Variants in TEKTL1 observed in about 807,000 individuals in gnomAD.
The protein encoded by TEKTL1 is tektin like 1.
chr19:15,014,742 G>A, the TEKTL1 span, among the ~76,000 whole-genome samples: 32 of 125,666 alleles, frequency 2.5e-4, no homozygotes, highest in African/African-American at 1.0e-3. Context: ...GGGGGGCGGG[G>A]GCTGCTGAAA....
chr19:15,013,851 C>T, the TEKTL1 span: 1 of 841,500 alleles, frequency 1.2e-6, no homozygotes, highest in South Asian at 1.5e-5. Context: ...ACCACTCTGA[C>T]CTGGGGACTG....
chr19:15,021,769 C>G, the TEKTL1 span: 1 of 1,611,700 alleles, frequency 6.2e-7, no homozygotes, highest in South Asian at 1.1e-5. Context: ...TGGCTGGAGG[C>G]TGGGTTTCAA....
chr19:15,020,444 C>T, the TEKTL1 span: 1 of 1,609,414 alleles, frequency 6.2e-7, no homozygotes, highest in Non-Finnish European at 8.5e-7. Context: ...CTGTCTTCTC[C>T]TCCCCTCCCC....
At chr19:15,021,866 A>G in the TEKTL1 span, 1 of 1,614,034 alleles carries the variant, frequency 6.2e-7, no homozygotes, top group African/African-American at 1.3e-5. Flanking sequence ...CCTGGTTCGC[A>G]TGTACCAGAG....
the TEKTL1 span, chr19:15,023,135 C>T: frequency 6.4e-7 from 1 of 1,561,840 alleles, no homozygotes; most frequent in Non-Finnish European, 8.6e-7. Flanking sequence ...CCAGCGTCCC[C>T]CGCCCCAGCC....
At chr19:15,011,821 G>A in the TEKTL1 span, among the ~76,000 whole-genome samples, 3 of 151,992 alleles carry the variant, frequency 2.0e-5, no homozygotes. Context: ...AGATGCAGTA[G>A]CTCACGCCTG....
the TEKTL1 span, among the ~76,000 whole-genome samples, chr19:15,018,699 TGAGACCCTATCTCAA>T: frequency 7.3e-6 from 1 of 136,432 alleles, no homozygotes; most frequent in South Asian, 2.3e-4. Flanking sequence ...GGAGACTGAG[TGAGACCCTATCTCAA>T]AATATGTATA....
chr19:15,011,234 G>A, the TEKTL1 span: 3 of 1,484,628 alleles, frequency 2.0e-6, no homozygotes, highest in South Asian at 2.7e-5. Context: ...GCGCCTCACC[G>A]CCGCCCGCCT....
At chr19:15,013,642 G>A in the TEKTL1 span, 154 of 1,525,382 alleles carry the variant, frequency 1.0e-4, no homozygotes, top group Non-Finnish European at 1.3e-4. Flanking sequence ...CTTTCTTAAC[G>A]ATGTGAGGGA....
chr19:15,023,250 AT>A, the TEKTL1 span: 2 of 788,132 alleles, frequency 2.5e-6, no homozygotes, highest in Non-Finnish European at 3.9e-6. Flanking sequence ...GAGAATTATA[AT>A]TAAAAATAAC....
chr19:15,021,758 G>A, the TEKTL1 span: 3 of 1,612,054 alleles, frequency 1.9e-6, no homozygotes, highest in East Asian at 4.5e-5. Context: ...AGGGGTGCCG[G>A]TGGCTGGAGG....
chr19:15,011,216 C>G, the TEKTL1 span: 3 of 1,477,660 alleles, frequency 2.0e-6, no homozygotes, highest in Non-Finnish European at 2.7e-6. Context: ...CGCGCACGCG[C>G]GTGGAGCGCG....
the TEKTL1 span, chr19:15,010,812 A>T: frequency 1.3e-6 from 2 of 1,517,820 alleles, no homozygotes; most frequent in Non-Finnish European, 8.8e-7. Context: ...AGGCCGAGAG[A>T]CCAAGCAGGG....
the TEKTL1 span, among the ~76,000 whole-genome samples, chr19:15,016,871 G>T: frequency 6.6e-6 from 1 of 152,128 alleles, no homozygotes; most frequent in Non-Finnish European, 1.5e-5. Context: ...ACAAAAACAG[G>T]TCTGCCATCC....
chr19:15,013,271 C>A, the TEKTL1 span, among the ~76,000 whole-genome samples: 1 of 152,078 alleles, frequency 6.6e-6, no homozygotes, highest in Non-Finnish European at 1.5e-5. Context: ...AAAACGTAAA[C>A]CCTCATCATC....
At chr19:15,011,034 C>T in the TEKTL1 span, 1 of 1,578,884 alleles carries the variant, frequency 6.3e-7, no homozygotes, top group South Asian at 1.2e-5. Context: ...TACATCCAGC[C>T]CTGGCGCTTC....
the TEKTL1 span, among the ~76,000 whole-genome samples, chr19:15,018,732 A>T: frequency 0.031 from 2,418 of 77,432 alleles, 423 homozygotes; most frequent in Middle Eastern, 0.05. Flanking sequence ...ATATATATAT[A>T]ACTTCCCTGG....
At chr19:15,016,786 C>A in the TEKTL1 span, among the ~76,000 whole-genome samples, 1 of 152,164 alleles carries the variant, frequency 6.6e-6, no homozygotes, top group Non-Finnish European at 1.5e-5. Flanking sequence ...CTCAACTTGG[C>A]CAGTGTGCCA....
the TEKTL1 span, among the ~76,000 whole-genome samples, chr19:15,018,715 A>AAAAAATATATATATATATATATAT: frequency 1.5e-5 from 1 of 68,298 alleles, no homozygotes; most frequent in South Asian, 4.0e-4. Context: ...CCTATCTCAA[A>AAAAAATATATATATATATATATAT]ATATGTATAT....
Sources: gnomAD v4.1 joint callset for allele counts (sites outside exome capture counted in the v4.1 genomes callset) on GRCh38, gnomAD v4.1.1 for gene constraint, MANE v1.5 for transcripts, NCBI Gene and HGNC (gene_info 2026-07-23, HGNC 2026-07-21) for gene names.